PHLDB2: variants seen among roughly 807,000 people sequenced by gnomAD.
The protein encoded by PHLDB2 is pleckstrin homology-like domain family B member 2.
In PHLDB2, 71 loss-of-function variants were observed where a neutral mutation model predicts 123.6. The observed-to-expected ratio is 0.57, with a 90% CI of 0.47 to 0.70. The LOEUF (loss-of-function observed/expected upper bound fraction) is 0.70. Ranked by LOEUF, PHLDB2 falls within the 30% of genes least tolerant of loss-of-function variation. The pLI is 0.00. For synonymous variants in PHLDB2, 547 were observed against 541.6 expected, an observed-to-expected ratio of 1.01 and a Z score of -0.14; for missense variants, 1,446 against 1,519.5, an observed-to-expected ratio of 0.95 and a Z score of 0.80.
chr3:111,802,250 C>T (rs1371361843), intron 1 of PHLDB2, among the ~76,000 whole-genome samples: 1 of 152,206 alleles, frequency 6.6e-6, no homozygotes, highest in African/African-American at 2.4e-5. Context: ...TACAAGAAAC[C>T]TCTCTTGTAC....
Position 111,885,408 on chromosome 3 carries a change from G to A in PHLDB2, c.1331G>A (p.Arg444Gln), listed in dbSNP as rs148966541. Residue 444 changes from arginine (R) to glutamine (Q), a missense_variant, in exon 2 of 18, where the codon CGA (arginine) becomes CAA (glutamine). Arg to Gln is a conservative substitution (Grantham distance 43). Coordinates refer to ENST00000431670, the MANE Select transcript of PHLDB2 (RefSeq NM_001134438.2). The stretch of plus-strand genomic sequence containing the variant: ...AGACTCAGGGAGCAGGAAATGGAGC[G>A]ATTGGTAATCTTCATCTCAACAGTG... ...EERLREQEMERLERQRLETIL... is the reference protein window; with the variant it reads ...EERLREQEMEQLERQRLETIL... 5.2e-5 allele frequency: 84 copies of A among 1,613,936 alleles called. No individual in the cohort carries two copies. The highest frequency in any genetic ancestry group is 6.8e-5 in the Non-Finnish European group (80 of 1,180,038).
chr3:111,811,654 A>G (rs1304660494), intron 1 of PHLDB2, among the ~76,000 whole-genome samples: 2 of 152,132 alleles, frequency 1.3e-5, no homozygotes, highest in Non-Finnish European at 2.9e-5. Context: ...ACACACACAC[A>G]TACACACACA....
At chr3:111,751,207 GC>G (rs2059768246) in intron 1 of PHLDB2, among the ~76,000 whole-genome samples, 1 of 148,298 alleles carries the variant, frequency 6.7e-6, no homozygotes, top group Non-Finnish European at 1.5e-5. Flanking sequence ...GTGTGTGTGT[GC>G]AGACAGATAG....
chr3:111,797,401 A>G (rs745314865), intron 1 of PHLDB2, among the ~76,000 whole-genome samples: 4 of 152,208 alleles, frequency 2.6e-5, no homozygotes, highest in Non-Finnish European at 4.4e-5. Flanking sequence ...GTTATAGACC[A>G]TCTCACTTTC....
At chr3:111,936,602 A>G (rs2069506464) in intron 6 of PHLDB2, among the ~76,000 whole-genome samples, 1 of 152,180 alleles carries the variant, frequency 6.6e-6, no homozygotes, top group Admixed American at 6.5e-5. Context: ...TTAGTATGCC[A>G]TTATTTTCAT....
intron 12 of PHLDB2, among the ~76,000 whole-genome samples, chr3:111,959,675 C>A (rs1419721328): frequency 1.3e-5 from 2 of 152,200 alleles, no homozygotes; most frequent in African/African-American, 4.8e-5. Flanking sequence ...AGTTTACTAT[C>A]TCCTTCACCT....
chr3:111,900,070 T>C (rs543570845), intron 2 of PHLDB2, among the ~76,000 whole-genome samples: 20 of 152,366 alleles, frequency 1.3e-4, no homozygotes, highest in Middle Eastern at 3.4e-3. Flanking sequence ...TAGTTACAGA[T>C]TTTTCTTCTG....
At chr3:111,851,111 C>T (rs557802990) in intron 2 of PHLDB2, among the ~76,000 whole-genome samples, 1 of 146,788 alleles carries the variant, frequency 6.8e-6, no homozygotes, top group Admixed American at 7.0e-5. Context: ...AGGAGAATGG[C>T]ATGAACCCAT....
chr3:111,761,646 A>AG (rs1260659296), intron 1 of PHLDB2, among the ~76,000 whole-genome samples: 16 of 135,740 alleles, frequency 1.2e-4, no homozygotes, highest in Non-Finnish European at 1.6e-5. Context: ...GATCACTTCA[A>AG]GGGCTTGTTA....
intron 10 of PHLDB2, among the ~76,000 whole-genome samples, chr3:111,950,574 A>G (rs767348436): frequency 1.3e-5 from 2 of 152,134 alleles, no homozygotes; most frequent in Non-Finnish European, 2.9e-5. Context: ...TCCTTTTAGA[A>G]CACTCAGAGT....
At chr3:111,954,795 G>A (rs2070939879) in intron 12 of PHLDB2, among the ~76,000 whole-genome samples, 2 of 152,186 alleles carry the variant, frequency 1.3e-5, no homozygotes, top group Non-Finnish European at 2.9e-5. Context: ...ATAGTCTATT[G>A]AGGAAGAAAG....
intron 1 of PHLDB2, chr3:111,779,904 G>T (rs2108080009): frequency 1.0e-6 from 1 of 971,656 alleles, no homozygotes; most frequent in Admixed American, 6.2e-5. Flanking sequence ...TGAAGGGTTG[G>T]GTCATACACC....
At chr3:111,756,138 G>T (rs2059884612) in intron 1 of PHLDB2, among the ~76,000 whole-genome samples, 1 of 152,040 alleles carries the variant, frequency 6.6e-6, no homozygotes, top group African/African-American at 2.4e-5. Flanking sequence ...CTGTTGATTT[G>T]GGGTGGAGAG....
At position 111,884,403 on chromosome 3, in the gene PHLDB2, C is replaced by T. The variant is rs1371439842; in HGVS notation, c.326C>T (p.Thr109Ile). Residue 109 changes from threonine (T) to isoleucine (I), a missense_variant, in exon 2 of 18, where the codon ACT becomes ATT. By Grantham distance (89) the Thr-to-Ile change is moderately conservative (BLOSUM62 -1). Coordinates refer to ENST00000431670, the MANE Select transcript of PHLDB2 (RefSeq NM_001134438.2). Reference protein sequence around the residue: ...TDKNIPMKPPTPLLNTTSSLS... With the variant: ...TDKNIPMKPPIPLLNTTSSLS... Reference sequence around the variant, plus strand: ...AAAAATATTCCTATGAAACCTCCAACTCCTTTACTCAACACTACATCCTCC... The same window carrying T: ...AAAAATATTCCTATGAAACCTCCAATTCCTTTACTCAACACTACATCCTCC... 1 of 1,614,192 alleles carries T rather than the reference C, an allele frequency of 6.2e-7. No individual in the cohort carries two copies. The highest frequency in any genetic ancestry group is 8.5e-7 in the Non-Finnish European group (1 of 1,180,032).
chr3:111,785,724 G>A (rs4542994), intron 1 of PHLDB2, among the ~76,000 whole-genome samples: 101,473 of 151,972 alleles, frequency 0.67, 35,538 homozygotes, highest in East Asian at 0.93. Context: ...GACACACCAA[G>A]AAGGAAGTCA....
chr3:111,966,611 A>G lies in PHLDB2; in HGVS notation c.3078-2A>G. 1 of 1,610,580 alleles carries G rather than the reference A, an allele frequency of 6.2e-7. No homozygotes were observed. The highest frequency in any genetic ancestry group is 1.1e-5 in the South Asian group (1 of 90,750). ...CTCAAAAGGCTTTGGTGTTTCATTC[A>G]GTGCCAGCACTTCAAATATTGCTAG... is the stretch of plus-strand genomic sequence containing the variant. On this transcript the variant is annotated splice_acceptor_variant, in intron 13 of 17. Transcript: ENST00000431670. LOFTEE classifies it high-confidence loss of function.
intron 1 of PHLDB2, among the ~76,000 whole-genome samples, chr3:111,780,478 A>G (rs1033222779): frequency 6.6e-6 from 1 of 151,540 alleles, no homozygotes; most frequent in African/African-American, 2.4e-5. Context: ...GAAATAACAC[A>G]GCAATAAGAC....
At chr3:111,775,024 T>C (rs1311415453) in intron 1 of PHLDB2, among the ~76,000 whole-genome samples, 1 of 152,162 alleles carries the variant, frequency 6.6e-6, no homozygotes, top group Non-Finnish European at 1.5e-5. Flanking sequence ...ATGTGTGGTA[T>C]AAAGAAAATA....
chr3:111,935,575 T>C (rs2069436063), intron 6 of PHLDB2, among the ~76,000 whole-genome samples: 1 of 151,760 alleles, frequency 6.6e-6, no homozygotes, highest in Non-Finnish European at 1.5e-5. Context: ...ACTCCCAAAA[T>C]CACAAGGTCC....
Sources: allele counts gnomAD v4.1 joint callset (sites outside exome capture counted in the v4.1 genomes callset), GRCh38; gene constraint gnomAD v4.1.1; transcripts MANE v1.5; gene names NCBI Gene and HGNC (gene_info 2026-07-23, HGNC 2026-07-21).